BRINP1: variants seen among roughly 807,000 people sequenced by gnomAD.
BRINP1 encodes BMP/retinoic acid-inducible neural-specific protein 1.
A neutral mutation model predicts 72.9 loss-of-function variants in BRINP1; 17 were observed. That is an observed-to-expected ratio of 0.23 (90% confidence interval 0.16 to 0.35). The LOEUF is 0.35. Among genes scored for constraint, BRINP1 ranks in the 10% least tolerant of loss-of-function variants. BRINP1 has a pLI of 1.00. For synonymous variants in BRINP1, 418 were observed against 378.5 expected (o/e 1.10, Z -1.21); for missense variants, 850 against 1,001.6 (o/e 0.85, Z 2.04).
At chr9:119,283,589 CA>C (rs1830733398) in intron 2 of BRINP1, among the ~76,000 whole-genome samples, 1 of 152,184 alleles carries the variant, frequency 6.6e-6, no homozygotes, top group Admixed American at 6.5e-5. Flanking sequence ...AGTGCGACGG[CA>C]CGATCTCGGC....
intron 5 of BRINP1, among the ~76,000 whole-genome samples, chr9:119,218,658 C>T (rs1422227129): frequency 6.6e-6 from 1 of 151,836 alleles, no homozygotes; most frequent in Non-Finnish European, 1.5e-5. Context: ...TTCTGACACA[C>T]TCGAGGGTGA....
rs138586786 is a variant in BRINP1 at position 119,168,407 on chromosome 9, C to A, written c.1146-183G>T. On this transcript the variant is annotated intron_variant, in intron 7 of 7. Coordinates refer to ENST00000265922, the MANE Select transcript of BRINP1 (RefSeq NM_014618.3). ...ACTACATTGTAGCTCCTCCTAATGC[C>A]ACAAACCAGCTGCATGACATCGTAC... 3.3e-5 allele frequency among the ~76,000 whole-genome samples: 5 copies of A among 152,324 alleles called. No homozygotes were observed. The East Asian group carries it at 9.7e-4, about 29-fold the overall frequency.
At chr9:119,308,686 G>A (rs968467641) in intron 2 of BRINP1, among the ~76,000 whole-genome samples, 1 of 152,148 alleles carries the variant, frequency 6.6e-6, no homozygotes, top group Non-Finnish European at 1.5e-5. Context: ...ATGCAATACA[G>A]CCAGGCAATT....
At chr9:119,285,420 C>A (rs1830750895) in intron 2 of BRINP1, among the ~76,000 whole-genome samples, 1 of 152,076 alleles carries the variant, frequency 6.6e-6, no homozygotes, top group Non-Finnish European at 1.5e-5. Context: ...TAACGCTTAC[C>A]ATCAAAACAA....
intron 1 of BRINP1, among the ~76,000 whole-genome samples, chr9:119,335,533 G>C (rs917675007): frequency 6.6e-6 from 1 of 152,080 alleles, no homozygotes; most frequent in Non-Finnish European, 1.5e-5. Flanking sequence ...TCATTCAAAA[G>C]GTACTTAATG....
intron 2 of BRINP1, among the ~76,000 whole-genome samples, chr9:119,274,299 C>T (rs1388567803): frequency 6.6e-6 from 1 of 152,110 alleles, no homozygotes; most frequent in South Asian, 2.1e-4. Flanking sequence ...CTTTGCTGGC[C>T]TTAAGTGATC....
rs563701424 is a variant in BRINP1, at chr9:119,300,046, T to G, written c.218+13092A>C. Among the ~76,000 whole-genome samples, 152 of 152,308 alleles carry G rather than the reference T, an allele frequency of 1.0e-3. No homozygotes were observed. In the East Asian group the frequency reaches 0.026, roughly 27 times the overall value. ...TCCACAGTACCGCCTTCCTCAGTGA[T>G]TCGTTTCACACCCCACTTCACAAAG... On this transcript the variant is annotated intron_variant, in intron 2 of 7. Transcript: ENST00000265922.
At chr9:119,187,802 CAGAT>C in intron 7 of BRINP1, among the ~76,000 whole-genome samples, 1 of 152,062 alleles carries the variant, frequency 6.6e-6, no homozygotes, top group Non-Finnish European at 1.5e-5. Flanking sequence ...GGAATATCGA[CAGAT>C]AATTCAATAA....
intron 5 of BRINP1, among the ~76,000 whole-genome samples, chr9:119,217,676 G>A (rs60231714): frequency 0.036 from 5,463 of 151,926 alleles, 298 homozygotes; most frequent in African/African-American, 0.12. Flanking sequence ...ATTCACCTTC[G>A]ACAGGTGCAT....
intron 5 of BRINP1, among the ~76,000 whole-genome samples, chr9:119,236,913 C>A (rs1205833887): frequency 6.6e-6 from 1 of 152,148 alleles, no homozygotes; most frequent in African/African-American, 2.4e-5. Flanking sequence ...TAATAGTAAA[C>A]CACTTTCTTG....
chr9:119,350,619 A>T (rs529665854), intron 1 of BRINP1, among the ~76,000 whole-genome samples: 38 of 149,324 alleles, frequency 2.5e-4, no homozygotes, highest in Admixed American at 1.7e-3. Context: ...AATACACATT[A>T]AAAAAAAAGA....
At chr9:119,310,164 A>G (rs1313815498) in intron 2 of BRINP1, among the ~76,000 whole-genome samples, 4 of 152,150 alleles carry the variant, frequency 2.6e-5, no homozygotes, top group Non-Finnish European at 4.4e-5. Context: ...TGAAGAACCA[A>G]AGGTTCAAAG....
intron 2 of BRINP1, among the ~76,000 whole-genome samples, chr9:119,307,524 A>G (rs1244012955): frequency 6.6e-6 from 1 of 152,170 alleles, no homozygotes; most frequent in African/African-American, 2.4e-5. Context: ...TGAAGCTGAT[A>G]ATTTTTTTCC....
At chr9:119,290,820 C>T (rs1830814041) in intron 2 of BRINP1, among the ~76,000 whole-genome samples, 1 of 152,048 alleles carries the variant, frequency 6.6e-6, no homozygotes, top group Non-Finnish European at 1.5e-5. Flanking sequence ...AGAACAGATG[C>T]CATATAAAAA....
intron 7 of BRINP1, among the ~76,000 whole-genome samples, chr9:119,184,712 G>A (rs1249644386): frequency 6.6e-6 from 1 of 152,074 alleles, no homozygotes; most frequent in Admixed American, 6.5e-5. Flanking sequence ...GCAAGGCCTG[G>A]TCCCTGTGAC....
intron 5 of BRINP1, among the ~76,000 whole-genome samples, chr9:119,233,175 G>T (rs553747715): frequency 6.6e-6 from 1 of 152,008 alleles, no homozygotes; most frequent in African/African-American, 2.4e-5. Flanking sequence ...CTCATTCAAA[G>T]GAATGAGAAG....
chr9:119,181,610 A>C (rs1480835700), intron 7 of BRINP1, among the ~76,000 whole-genome samples: 2 of 152,242 alleles, frequency 1.3e-5, no homozygotes, highest in African/African-American at 4.8e-5. Flanking sequence ...TACTGAGGGC[A>C]AGGAATAACT....
chr9:119,212,154 T>C (rs1829935352), intron 6 of BRINP1, among the ~76,000 whole-genome samples: 1 of 152,214 alleles, frequency 6.6e-6, no homozygotes, highest in African/African-American at 2.4e-5. Flanking sequence ...AGTGGACTAA[T>C]GGGTGTCGTT....
intron 2 of BRINP1, among the ~76,000 whole-genome samples, chr9:119,285,465 C>T (rs141957661): frequency 8.5e-4 from 129 of 152,326 alleles, no homozygotes; most frequent in Non-Finnish European, 1.1e-3. Context: ...TAGATGAGCA[C>T]GCACTGAAGC....
Sources: allele counts gnomAD v4.1 joint callset (sites outside exome capture counted in the v4.1 genomes callset), GRCh38; gene constraint gnomAD v4.1.1; transcripts MANE v1.5; gene names NCBI Gene and HGNC (gene_info 2026-07-23, HGNC 2026-07-21).